Variants in TRIM66 observed in about 807,000 individuals in gnomAD.
TRIM66 encodes tripartite motif containing 66.
A neutral mutation model predicts 148.2 loss-of-function variants in TRIM66; 99 were observed. That is an observed-to-expected ratio of 0.67 (90% CI 0.57 to 0.79). The LOEUF (loss-of-function observed/expected upper bound fraction) is 0.79, where lower values mean the gene tolerates loss of function less well. Ranked by LOEUF, TRIM66 falls within the 30% of genes least tolerant of loss-of-function variation. The pLI is 0.00. For missense variants in TRIM66, 1,666 were observed against 1,697.9 expected (o/e 0.98, Z 0.33); for synonymous variants, 616 against 635.9 (o/e 0.97, Z 0.47).
At chr11:8,635,194 T>C (rs1285370783) in intron 15 of TRIM66, among the ~76,000 whole-genome samples, 3 of 152,190 alleles carry the variant, frequency 2.0e-5, no homozygotes, top group Non-Finnish European at 4.4e-5. Context: ...GTCCTAACAT[T>C]GCCCAATGGG....
chr11:8,628,636 A>AAAAAAAAAAAACAAAAGAGAGAG (rs1555042270), intron 15 of TRIM66, among the ~76,000 whole-genome samples: 1 of 93,340 alleles, frequency 1.1e-5, no homozygotes, highest in Non-Finnish European at 2.3e-5. Flanking sequence ...AAAAAAAAAA[A>AAAAAAAAAAAACAAAAGAGAGAG]AGAGAGAGAA....
At position 8,680,041 on chromosome 11, in the gene TRIM66, T is replaced by C. The variant is rs745562669; in HGVS notation, c.-525A>G. Reference sequence around the variant, plus strand: ...CCAAGTGCTCTGAAAATGTTGGTTGTTATCCTTGTGGACTGAAGTGTTCTG... The same window carrying C: ...CCAAGTGCTCTGAAAATGTTGGTTGCTATCCTTGTGGACTGAAGTGTTCTG... On this transcript the variant is annotated 5_prime_UTR_variant, in exon 2 of 25. Coordinates refer to ENST00000646038, the MANE Select transcript of TRIM66 (RefSeq NM_001388022.1). The C allele has an allele frequency of 2.6e-5, 4 of 152,306 alleles. No individual in the cohort carries two copies. The highest frequency in any genetic ancestry group is 1.5e-5 in the Non-Finnish European group (1 of 68,096). 9.4% of individuals were successfully genotyped at this position (152,306 alleles called of 1,614,324 possible).
chr11:8,625,826 G>C (rs2034792122), intron 15 of TRIM66, among the ~76,000 whole-genome samples: 1 of 152,178 alleles, frequency 6.6e-6, no homozygotes, highest in African/African-American at 2.4e-5. Flanking sequence ...TGGGGAACCT[G>C]GGTCAACTGC....
In TRIM66 at chr11:8,646,497, G is replaced by A; in HGVS notation, c.907C>T (p.Leu303=). 1 of 1,552,188 alleles carries A rather than the reference G, an allele frequency of 6.4e-7. No homozygotes were observed. The highest frequency in any genetic ancestry group is 8.7e-7 in the Non-Finnish European group (1 of 1,147,102). The change falls in exon 11 of 25, where the codon CTG becomes TTG. Residue 303 remains leucine (L), a synonymous_variant. Transcript: ENST00000646038. ...GCCTGTTTGTTCAGCTCATTCATCA[G>A]AACCATCTTGGCCATTTTGATCTGG... The part of the protein sequence containing the change: ...ENQIKMAKMV[L]MNELNKQANG...
intron 23 of TRIM66, 92 bp downstream of exon 23, chr11:8,619,291 C>T: frequency 7.1e-7 from 1 of 1,402,452 alleles, no homozygotes; most frequent in Non-Finnish European, 9.5e-7. Context: ...CTCATGGCAG[C>T]CCAGACCAAA....
chr11:8,640,747 G>A lies in TRIM66; in HGVS notation c.1628C>T (p.Thr543Ile). 6.4e-7 allele frequency: 1 copy of A among 1,551,502 alleles called. No individual in the cohort carries two copies. The highest frequency in any genetic ancestry group is 8.7e-7 in the Non-Finnish European group (1 of 1,146,982). ...ETQPPVEQES[T>I]SQRLGQQLTS... ...CAGCTGCTGCCCCAGCCGCTGGGATGTGCTCTCCTGCTCCACGGGGGGCTG... is the reference window on the plus strand; with the variant it reads ...CAGCTGCTGCCCCAGCCGCTGGGATATGCTCTCCTGCTCCACGGGGGGCTG... Residue 543 changes from threonine (T) to isoleucine (I), a missense_variant, in exon 14 of 25, where the codon ACA (threonine) becomes ATA (isoleucine). By Grantham distance (89) the Thr-to-Ile change is moderately conservative (BLOSUM62 -1). Around this residue, in one of 3 missense-constraint regions of TRIM66, gnomAD observed 1,431 missense variants for 1,412.4 expected, o/e 1.01. Transcript: ENST00000646038.
At chr11:8,681,749 A>AGGTCAAGTAGGTCTAGTAG (rs1418567654) in intron 1 of TRIM66, among the ~76,000 whole-genome samples, 3 of 152,080 alleles carry the variant, frequency 2.0e-5, no homozygotes, top group Non-Finnish European at 4.4e-5. Flanking sequence ...TGACCACATA[A>AGGTCAAGTAGGTCTAGTAG]GGAATTAGGT....
upstream of TRIM66, chr11:8,683,097 G>T (rs906337798): frequency 8.1e-7 from 1 of 1,241,062 alleles, no homozygotes; most frequent in East Asian, 2.3e-5. Flanking sequence ...AAACGCTCCA[G>T]AAGTTAGGTC....
chr11:8,649,951 TA>T, intron 7 of TRIM66, 64 bp from the exon 8 acceptor site: 1 of 1,510,970 alleles, frequency 6.6e-7, no homozygotes. Context: ...CCACAAGTGG[TA>T]AATGCTCTAA....
At chr11:8,683,203 C>G (rs2039523862), upstream of TRIM66, 1 of 1,614,230 alleles carries the variant, frequency 6.2e-7, no homozygotes, top group Non-Finnish European at 8.5e-7. Flanking sequence ...TCCACACAGC[C>G]ATCCAGACTG....
intron 6 of TRIM66, among the ~76,000 whole-genome samples, chr11:8,661,973 CG>C (rs1415918331): frequency 1.3e-5 from 2 of 152,144 alleles, no homozygotes; most frequent in Non-Finnish European, 2.9e-5. Context: ...TTTCCATTAC[CG>C]GGGGAATTGC....
At chr11:8,627,346 G>C (rs1249393825) in intron 15 of TRIM66, among the ~76,000 whole-genome samples, 1 of 152,156 alleles carries the variant, frequency 6.6e-6, no homozygotes, top group Non-Finnish European at 1.5e-5. Flanking sequence ...CTTAGTCTAT[G>C]AGTCTCTCTA....
chr11:8,624,789 G>A lies in TRIM66; in HGVS notation c.2750C>T (p.Ser917Phe). Reference protein sequence around the residue: ...SDMQPETGSSSSSGRTSGSLC... With the variant: ...SDMQPETGSSFSSGRTSGSLC... ...GCTCCCTGAAGTTCGGCCAGAACTG[G>A]AGCTGGACCCAGTTTCTGGCTGCAT... is the stretch of plus-strand genomic sequence containing the variant. Residue 917 changes from serine (S) to phenylalanine (F), a missense_variant, in exon 16 of 25, where the codon TCC (serine) becomes TTC (phenylalanine). Transcript: ENST00000646038. 1 of 1,551,524 alleles carries A rather than the reference G, an allele frequency of 6.4e-7. No homozygotes were observed. Among genetic ancestry groups the A allele is most frequent in the African/African-American group, 1.4e-5 (1 of 73,184 alleles).
At chr11:8,632,603 G>T (rs191971345) in intron 15 of TRIM66, among the ~76,000 whole-genome samples, 22 of 151,932 alleles carry the variant, frequency 1.4e-4, no homozygotes, top group Non-Finnish European at 2.9e-4. Context: ...GATTATAGGT[G>T]TCCACCACCA....
chr11:8,683,206 C>G (rs2039523988), upstream of TRIM66: 3 of 1,614,098 alleles, frequency 1.9e-6, no homozygotes, highest in Non-Finnish European at 2.5e-6. Context: ...ACACAGCCAT[C>G]CAGACTGAGG....
chr11:8,646,962 C>T (rs1218782615), intron 10 of TRIM66, among the ~76,000 whole-genome samples: 1 of 140,982 alleles, frequency 7.1e-6, no homozygotes, highest in African/African-American at 2.7e-5. Flanking sequence ...TTTCTGAGGG[C>T]CGGGGGGTGT....
At chr11:8,619,807 C>T (rs2034029754) in intron 22 of TRIM66, among the ~76,000 whole-genome samples, 2 of 152,228 alleles carry the variant, frequency 1.3e-5, no homozygotes, top group African/African-American at 4.8e-5. Flanking sequence ...GTCCCCTGGA[C>T]TATCCATAAG....
intron 6 of TRIM66, among the ~76,000 whole-genome samples, chr11:8,665,916 TCCA>T (rs1282579865): frequency 6.6e-6 from 1 of 151,888 alleles, no homozygotes; most frequent in Non-Finnish European, 1.5e-5. Flanking sequence ...ACCACTGCAC[TCCA>T]GCCTGGGTGA....
intron 23 of TRIM66, 197 bp downstream of exon 23, chr11:8,619,186 C>T (rs918124425): frequency 2.7e-6 from 2 of 730,622 alleles, no homozygotes; most frequent in Non-Finnish European, 4.4e-6. Flanking sequence ...CTCACTAGTA[C>T]CTCCCCTTTT....
Sources: gnomAD v4.1 joint callset for allele counts (sites outside exome capture counted in the v4.1 genomes callset) on GRCh38, gnomAD v4.1.1 for gene constraint, gnomAD v4.1.1 regional missense constraint, MANE v1.5 for transcripts, NCBI Gene and HGNC (gene_info 2026-07-23, HGNC 2026-07-21) for gene names.